Variants in SOX5 observed in about 807,000 individuals in gnomAD.
SOX5 encodes transcription factor SOX-5.
A neutral mutation model predicts 92.0 loss-of-function variants in SOX5; 9 were observed. The ratio of observed to expected loss-of-function variants is 0.10; its 90% CI spans 0.06 to 0.17. The LOEUF is 0.17. SOX5 is among the 10% of genes least tolerant of loss of function. The pLI, the probability that SOX5 is intolerant of heterozygous loss-of-function variation, is 1.00. For synonymous variants in SOX5, 344 were observed against 336.3 expected (o/e 1.02, Z -0.25); for missense variants, 642 against 944.5 (o/e 0.68, Z 4.20).
intron 1 of SOX5, among the ~76,000 whole-genome samples, chr12:23,908,640 G>C (rs1488989300): frequency 1.3e-5 from 2 of 151,824 alleles, no homozygotes; most frequent in East Asian, 3.9e-4. Flanking sequence ...ATACTAGACA[G>C]AGATAAATTT....
intron 4 of SOX5, among the ~76,000 whole-genome samples, chr12:24,134,892 A>C (rs1224405542): frequency 6.6e-6 from 1 of 152,182 alleles, no homozygotes; most frequent in African/African-American, 2.4e-5. Context: ...GTAATAATCC[A>C]GGGATTAAAA....
At chr12:23,601,401 G>A (rs941355469) in intron 9 of SOX5, among the ~76,000 whole-genome samples, 3 of 152,040 alleles carry the variant, frequency 2.0e-5, no homozygotes, top group African/African-American at 7.2e-5. Context: ...ATCATCACCT[G>A]GTTGTGACTT....
At chr12:23,920,332 T>C (rs1326610899) in intron 1 of SOX5, 2 of 152,346 alleles carry the variant, frequency 1.3e-5, no homozygotes, top group Admixed American at 1.3e-4. Context: ...CACTTAGCGA[T>C]GGCCCTTGGT....
In SOX5 at chr12:24,049,479, T is replaced by C. The variant is rs564674861; in HGVS notation, c.-1-153455A>G. On this transcript the variant is annotated intron_variant, in intron 4 of 4. Coordinates refer to the SOX5 transcript ENST00000446891. The stretch of plus-strand genomic sequence containing the variant: ...AACAATTAAGAGAATTCCCTGCACA[T>C]TCAGTTCTTCAATATTCCAATGAAC... 4.7e-4 allele frequency among the ~76,000 whole-genome samples: 71 copies of C among 152,286 alleles called. 1 individual carries two copies. In the South Asian group the frequency reaches 0.014, roughly 31 times the overall value.
intron 6 of SOX5, among the ~76,000 whole-genome samples, chr12:23,723,207 T>C (rs1017054086): frequency 5.3e-5 from 8 of 152,004 alleles, no homozygotes; most frequent in Non-Finnish European, 1.0e-4. Context: ...TCTCTCTCTC[T>C]TTCTCCCTCT....
intron 4 of SOX5, among the ~76,000 whole-genome samples, chr12:24,161,144 G>C (rs1210784764): frequency 6.6e-6 from 1 of 152,136 alleles, no homozygotes; most frequent in Non-Finnish European, 1.5e-5. Context: ...AGTCCTGCCT[G>C]AAAGGCAGTG....
chr12:23,920,426 A>T (rs888964720), intron 1 of SOX5: 6 of 152,284 alleles, frequency 3.9e-5, no homozygotes, highest in Non-Finnish European at 7.4e-5. Context: ...GACTCTCTAG[A>T]TTAGTAATAG....
rs1240414268 is a variant in SOX5 at position 23,659,107 on chromosome 12, T to C, written c.931+6337A>G. On this transcript the variant is annotated intron_variant, in intron 7 of 14. Coordinates refer to ENST00000451604, the MANE Select transcript of SOX5 (RefSeq NM_006940.6). ...GCACTCATCACCAATAACCTGTATG[T>C]CAGCTGACATAGCTGACACCGTTAA... 2.6e-5 allele frequency among the ~76,000 whole-genome samples: 4 copies of C among 152,236 alleles called. No homozygotes were observed. In the South Asian group the frequency reaches 6.2e-4, roughly 24 times the overall value.
At chr12:24,327,654 GCTCACTGCAAACT>G (rs1950867361) in intron 2 of SOX5, among the ~76,000 whole-genome samples, 2 of 151,758 alleles carry the variant, frequency 1.3e-5, no homozygotes, top group South Asian at 4.2e-4. Flanking sequence ...CGCATTCTCC[GCTCACTGCAAACT>G]CTGCCTCCTG....
chr12:24,222,832 A>AT (rs1960820934), intron 3 of SOX5, among the ~76,000 whole-genome samples: 1 of 152,230 alleles, frequency 6.6e-6, no homozygotes, highest in Admixed American at 6.5e-5. Flanking sequence ...TGGGATTTCA[A>AT]ACAATACATG....
chr12:23,701,555 TTGAG>T (rs1382237827), intron 6 of SOX5, among the ~76,000 whole-genome samples: 1 of 152,100 alleles, frequency 6.6e-6, no homozygotes, highest in Non-Finnish European at 1.5e-5. Flanking sequence ...ATTTCCCAAC[TTGAG>T]TAAGTATTTA....
intron 4 of SOX5, among the ~76,000 whole-genome samples, chr12:24,157,385 G>C (rs1272316754): frequency 6.6e-6 from 1 of 152,056 alleles, no homozygotes; most frequent in East Asian, 1.9e-4. Context: ...CCACTCTGCA[G>C]AATCTATAAG....
chr12:23,618,539 G>A (rs773527721), intron 8 of SOX5, among the ~76,000 whole-genome samples: 11 of 152,108 alleles, frequency 7.2e-5, no homozygotes, highest in Admixed American at 5.2e-4. Flanking sequence ...ATACTTGCTG[G>A]AGGCTTGCAA....
chr12:23,668,862 A>T (rs189916682), intron 6 of SOX5, among the ~76,000 whole-genome samples: 34 of 152,312 alleles, frequency 2.2e-4, no homozygotes, highest in African/African-American at 7.7e-4. Flanking sequence ...AGATGTTATG[A>T]ATCCAACACA....
At chr12:23,783,322 A>C (rs2095318576) in intron 3 of SOX5, among the ~76,000 whole-genome samples, 1 of 152,214 alleles carries the variant, frequency 6.6e-6, no homozygotes, top group Non-Finnish European at 1.5e-5. Context: ...AGTTCGTATA[A>C]CAGTAATTTA....
chr12:24,424,811 G>T (rs537720317), intron 1 of SOX5, among the ~76,000 whole-genome samples: 6 of 149,432 alleles, frequency 4.0e-5, no homozygotes, highest in South Asian at 2.1e-4. Flanking sequence ...TTTTTTTTGG[G>T]GGGGGGGGAT....
chr12:24,423,595 T>C (rs1054380709), intron 1 of SOX5, among the ~76,000 whole-genome samples: 2 of 152,210 alleles, frequency 1.3e-5, no homozygotes, highest in Non-Finnish European at 2.9e-5. Flanking sequence ...TCCCAGGAAA[T>C]ATAATCGTCT....
intron 9 of SOX5, among the ~76,000 whole-genome samples, chr12:23,600,522 C>CGCATATATATATATATAT (rs373296792): frequency 2.5e-5 from 1 of 39,802 alleles, no homozygotes; most frequent in Admixed American, 2.9e-4. Flanking sequence ...GGGGGGGGTG[C>CGCATATATATATATATAT]ATATATATAT....
chr12:23,745,125 G>T (rs1461671330), intron 4 of SOX5, among the ~76,000 whole-genome samples: 1 of 152,188 alleles, frequency 6.6e-6, no homozygotes. Flanking sequence ...ATGAATTAGG[G>T]TTGGTGGGTA....
Sources: gnomAD v4.1 joint callset for allele counts (sites outside exome capture counted in the v4.1 genomes callset) on GRCh38, gnomAD v4.1.1 for gene constraint, MANE v1.5 for transcripts, NCBI Gene and HGNC (gene_info 2026-07-23, HGNC 2026-07-21) for gene names.